The following IL1RAPL2 variants were observed in gnomAD, a reference collection of about 807,000 sequenced individuals.
The protein encoded by IL1RAPL2 is interleukin 1 receptor accessory protein like 2.
A neutral mutation model predicts 44.1 loss-of-function variants in IL1RAPL2; 3 were observed. The ratio of observed to expected loss-of-function variants is 0.07; its 90% CI spans 0.03 to 0.18. The LOEUF is 0.18. IL1RAPL2 is among the 10% of genes least tolerant of loss of function. The pLI, the probability that IL1RAPL2 is intolerant of heterozygous loss-of-function variation, is 1.00. For missense variants in IL1RAPL2, 391 were observed against 496.4 expected, an observed-to-expected ratio of 0.79 and a Z score of 2.02; for synonymous variants, 181 against 178.8, an observed-to-expected ratio of 1.01 and a Z score of -0.10.
rs36063657 is a variant in IL1RAPL2 at position 105,099,453 on chromosome X, C to CTTT, written c.83-95995_83-95993dup. Among the ~76,000 whole-genome samples the CTTT allele has an allele frequency of 4.7e-3, 169 of 35,870 alleles. 25 individuals carry two copies. The highest frequency in any genetic ancestry group is 9.7e-3 in the Admixed American group (24 of 2,482). The allele number at this position is 35,870 out of a possible 115,157, so 31.1% of individuals were successfully genotyped here. ...AGACGGGTGGGAGAGGTGCCACATA[C>CTTT]TTTTTTTTTTTTTTTTTTTTTTTTT... On this transcript the variant is annotated intron_variant, in intron 2 of 10. Transcript: ENST00000372582.
At chrX:104,852,946 G>T (rs1380776722) in intron 2 of IL1RAPL2, among the ~76,000 whole-genome samples, 1 of 111,506 alleles carries the variant, frequency 9.0e-6, no homozygotes, top group African/African-American at 3.3e-5. Flanking sequence ...CTGGATGATG[G>T]GTGCATTGGC....
chrX:105,395,234 A>G (rs2035553305), intron 5 of IL1RAPL2, among the ~76,000 whole-genome samples: 1 of 110,840 alleles, frequency 9.0e-6, no homozygotes. Context: ...ATAAATATAT[A>G]TATAGGCTTT....
chrX:104,953,334 AT>A (rs1925634950), intron 2 of IL1RAPL2, among the ~76,000 whole-genome samples: 1 of 112,102 alleles, frequency 8.9e-6, no homozygotes, highest in Non-Finnish European at 1.9e-5. Context: ...GGAAAATAAC[AT>A]AACTAAGTTA....
intron 6 of IL1RAPL2, among the ~76,000 whole-genome samples, chrX:105,577,639 G>C (rs2037060003): frequency 9.1e-6 from 1 of 110,372 alleles, no homozygotes; most frequent in South Asian, 3.8e-4. Flanking sequence ...ACTGATCCAT[G>C]AGAAAGCATG....
At chrX:105,235,438 G>A (rs2034111948) in intron 4 of IL1RAPL2, among the ~76,000 whole-genome samples, 1 of 111,409 alleles carries the variant, frequency 9.0e-6, no homozygotes, top group South Asian at 3.8e-4. Context: ...AAAAGGTGGA[G>A]CAGGTTGTTT....
At chrX:105,337,563 G>C (rs1318366380) in intron 5 of IL1RAPL2, among the ~76,000 whole-genome samples, 1 of 112,078 alleles carries the variant, frequency 8.9e-6, no homozygotes, top group Non-Finnish European at 1.9e-5. Context: ...GACAAATGAA[G>C]GGGGGAGGGC....
chrX:104,680,018 A>G (rs775336340), intron 2 of IL1RAPL2, among the ~76,000 whole-genome samples: 1 of 111,534 alleles, frequency 9.0e-6, no homozygotes, highest in African/African-American at 3.3e-5. Flanking sequence ...ATAGTTCCTT[A>G]TAGTTACACT....
At chrX:104,607,096 C>A (rs1442045538) in intron 1 of IL1RAPL2, among the ~76,000 whole-genome samples, 6 of 111,708 alleles carry the variant, frequency 5.4e-5, no homozygotes, top group Non-Finnish European at 1.1e-4. Context: ...ACATCTACAA[C>A]CATCTGATCT....
At chrX:105,726,681 C>T (rs1283648469) in intron 7 of IL1RAPL2, among the ~76,000 whole-genome samples, 6 of 110,616 alleles carry the variant, frequency 5.4e-5, no homozygotes, top group Non-Finnish European at 1.1e-4. Flanking sequence ...CATTAACTAC[C>T]AGGGATACCC....
intron 5 of IL1RAPL2, among the ~76,000 whole-genome samples, chrX:105,349,881 A>C (rs1281412666): frequency 8.9e-6 from 1 of 111,814 alleles, no homozygotes; most frequent in Non-Finnish European, 1.9e-5. Flanking sequence ...GTTGTTTTTT[A>C]GTCCACTTTT....
intron 3 of IL1RAPL2, among the ~76,000 whole-genome samples, chrX:105,209,465 A>G (rs139280553): frequency 0.017 from 1,898 of 111,299 alleles, 44 homozygotes; most frequent in African/African-American, 0.057. Context: ...TCTAGAGGTA[A>G]AACTCACTGT....
intron 2 of IL1RAPL2, among the ~76,000 whole-genome samples, chrX:104,733,949 A>C (rs5917133): frequency 0.38 from 41,441 of 109,561 alleles, 6,043 homozygotes; most frequent in East Asian, 0.47. Context: ...AATAAGGAAA[A>C]CAACAGCCTA....
intron 6 of IL1RAPL2, among the ~76,000 whole-genome samples, chrX:105,652,705 A>C: frequency 9.0e-6 from 1 of 111,494 alleles, no homozygotes; most frequent in Admixed American, 9.6e-5. Flanking sequence ...TGAACGGATA[A>C]TACTTATTAT....
At chrX:104,717,640 T>A (rs1454597277) in intron 2 of IL1RAPL2, among the ~76,000 whole-genome samples, 1 of 109,420 alleles carries the variant, frequency 9.1e-6, no homozygotes, top group Non-Finnish European at 1.9e-5. Context: ...CTTTAAGTTT[T>A]AGGGTACATG....
At chrX:104,835,139 A>T (rs1425726605) in intron 2 of IL1RAPL2, among the ~76,000 whole-genome samples, 4 of 111,810 alleles carry the variant, frequency 3.6e-5, no homozygotes, top group African/African-American at 1.3e-4. Flanking sequence ...AAACCCTAAG[A>T]ATCACTTTTT....
chrX:105,104,031 C>A (rs1266632418), intron 2 of IL1RAPL2, among the ~76,000 whole-genome samples: 3 of 111,800 alleles, frequency 2.7e-5, no homozygotes, highest in African/African-American at 9.8e-5. Context: ...TAACTGTAGT[C>A]ACAATAATGA....
At chrX:105,715,374 G>A (rs896471243) in intron 6 of IL1RAPL2, among the ~76,000 whole-genome samples, 15 of 111,795 alleles carry the variant, frequency 1.3e-4, no homozygotes, top group Non-Finnish European at 2.3e-4. Flanking sequence ...ACTTGATTAC[G>A]TAGGACAAAG....
chrX:104,813,455 T>A (rs1422211076), intron 2 of IL1RAPL2, among the ~76,000 whole-genome samples: 2 of 111,452 alleles, frequency 1.8e-5, no homozygotes, highest in Non-Finnish European at 3.8e-5. Context: ...AGTTTATGAA[T>A]ATTGTTAGAT....
At chrX:104,643,358 C>T (rs145502160) in intron 1 of IL1RAPL2, among the ~76,000 whole-genome samples, 74 of 111,492 alleles carry the variant, frequency 6.6e-4, no homozygotes, top group African/African-American at 2.1e-3. Context: ...GTAATCGTTA[C>T]GATTATGGCT....
Sources: gnomAD v4.1 joint callset for allele counts (sites outside exome capture counted in the v4.1 genomes callset) on GRCh38, gnomAD v4.1.1 for gene constraint, MANE v1.5 for transcripts, NCBI Gene and HGNC (gene_info 2026-07-23, HGNC 2026-07-21) for gene names.